CPPED1: variants seen among roughly 807,000 people sequenced by gnomAD.
The protein encoded by CPPED1 is calcineurin like phosphoesterase domain containing 1.
CPPED1 carries 28 observed loss-of-function variants against 28.0 expected under a neutral mutation model. That is an observed-to-expected ratio of 1.00 (90% CI 0.74 to 1.37). The LOEUF (loss-of-function observed/expected upper bound fraction) is 1.37, where lower values mean the gene tolerates loss of function less well. CPPED1 is among the 40% of genes most tolerant of loss of function. The probability of loss-of-function intolerance (pLI) is 0.00; values close to 1 mark genes in which losing one functional copy is unlikely to be tolerated. For synonymous variants in CPPED1, 198 were observed against 180.2 expected (o/e 1.10, Z -0.79); for missense variants, 504 against 416.5 (o/e 1.21, Z -1.83).
chr16:12,692,735 TCTC>T (rs1409068618), intron 3 of CPPED1, among the ~76,000 whole-genome samples: 3 of 152,176 alleles, frequency 2.0e-5, no homozygotes, highest in Non-Finnish European at 4.4e-5. Flanking sequence ...AGCCTGTTCA[TCTC>T]CTGCACTTTT....
rs1162742131 is a variant in CPPED1, at chr16:12,670,436, C to T, written c.716-5321G>A. ...ACACCCCACCCTCTAGGAAGTAGTG[C>T]ATCTTTCTTCATCCCTTAGGTGTGG... On this transcript the variant is annotated intron_variant, in intron 3 of 3. Coordinates refer to ENST00000381774, the MANE Select transcript of CPPED1 (RefSeq NM_018340.3). The surrounding 1 kb of genome is among the most constrained non-coding windows in gnomAD (Gnocchi z 4.2). Among the ~76,000 whole-genome samples the T allele has an allele frequency of 6.6e-6, 1 of 152,084 alleles. No individual in the cohort carries two copies. The highest frequency in any genetic ancestry group is 1.5e-5 in the Non-Finnish European group (1 of 68,016).
At chr16:12,778,857 A>C (rs543216300) in intron 2 of CPPED1, among the ~76,000 whole-genome samples, 2 of 152,350 alleles carry the variant, frequency 1.3e-5, no homozygotes, top group South Asian at 4.1e-4. Context: ...AAACAGTCCA[A>C]GTCTCCAGAA....
chr16:12,802,965 A>C (rs999391436), intron 1 of CPPED1, among the ~76,000 whole-genome samples: 2 of 152,250 alleles, frequency 1.3e-5, no homozygotes, highest in Admixed American at 1.3e-4. Flanking sequence ...ATCTGGCTGC[A>C]GGCAGCAAAA....
intron 3 of CPPED1, among the ~76,000 whole-genome samples, chr16:12,680,771 C>T (rs1177972037): frequency 6.6e-6 from 1 of 152,180 alleles, no homozygotes; most frequent in East Asian, 1.9e-4. Context: ...ATATCTCCTT[C>T]TGGAGCTAAG....
chr16:12,681,357 C>A (rs917036322), intron 3 of CPPED1, among the ~76,000 whole-genome samples: 7 of 152,098 alleles, frequency 4.6e-5, no homozygotes, highest in African/African-American at 1.4e-4. Context: ...CTCACTCTTG[C>A]CAGGGATGCC....
intron 2 of CPPED1, among the ~76,000 whole-genome samples, chr16:12,711,543 T>C (rs992534388): frequency 2.6e-5 from 4 of 152,194 alleles, no homozygotes; most frequent in Non-Finnish European, 5.9e-5. Flanking sequence ...ACCAAAGTTA[T>C]CAATATACTC....
At chr16:12,724,468 C>A (rs979708130) in intron 2 of CPPED1, among the ~76,000 whole-genome samples, 1 of 152,224 alleles carries the variant, frequency 6.6e-6, no homozygotes, top group Non-Finnish European at 1.5e-5. Flanking sequence ...CAGCTGCCAG[C>A]AGTGGCTCTT....
Position 12,744,848 on chromosome 16 carries a change from G to A in CPPED1, c.289+36337C>T, listed in dbSNP as rs568482469. The stretch of plus-strand genomic sequence containing the variant: ...AAAATACAAAAATAAGCCAGGCATC[G>A]TGGCACATGCCTATAATCCCAGCTA... On this transcript the variant is annotated intron_variant, in intron 2 of 3. Transcript: ENST00000381774. 1.8e-4 allele frequency among the ~76,000 whole-genome samples: 27 copies of A among 152,268 alleles called. No individual in the cohort carries two copies. In the South Asian group the frequency reaches 5.0e-3, roughly 28 times the overall value.
intron 3 of CPPED1, among the ~76,000 whole-genome samples, chr16:12,694,840 C>T (rs920756582): frequency 2.0e-5 from 3 of 151,584 alleles, no homozygotes; most frequent in African/African-American, 4.8e-5. Flanking sequence ...TGCAGTGGCA[C>T]GATCCCTGTT....
intron 1 of CPPED1, among the ~76,000 whole-genome samples, chr16:12,789,629 G>C (rs1455534732): frequency 6.6e-6 from 1 of 152,106 alleles, no homozygotes; most frequent in African/African-American, 2.4e-5. Context: ...GGGCTCAAGT[G>C]ATCCTCCCAC....
At chr16:12,690,707 G>C (rs1241793949) in intron 3 of CPPED1, among the ~76,000 whole-genome samples, 1 of 150,340 alleles carries the variant, frequency 6.7e-6, no homozygotes. Context: ...ATCTTTGTCT[G>C]CAGAAGGCAC....
intron 3 of CPPED1, among the ~76,000 whole-genome samples, chr16:12,672,742 G>A (rs994811895): frequency 2.0e-5 from 3 of 152,114 alleles, no homozygotes; most frequent in South Asian, 2.1e-4. Context: ...CGAATTAATC[G>A]GGTGATTGGG....
chr16:12,718,563 A>G (rs1460981904), intron 2 of CPPED1, among the ~76,000 whole-genome samples: 3 of 148,758 alleles, frequency 2.0e-5, no homozygotes, highest in East Asian at 3.9e-4. Flanking sequence ...AAAAAGAAAG[A>G]AAAAAAAGGT....
chr16:12,773,886 C>G (rs2080483317), intron 2 of CPPED1, among the ~76,000 whole-genome samples: 1 of 152,144 alleles, frequency 6.6e-6, no homozygotes, highest in African/African-American at 2.4e-5. Context: ...CTATTCACAC[C>G]TAAGTACTTA....
At chr16:12,681,729 G>C (rs2079905890) in intron 3 of CPPED1, among the ~76,000 whole-genome samples, 1 of 152,086 alleles carries the variant, frequency 6.6e-6, no homozygotes, top group African/African-American at 2.4e-5. Flanking sequence ...AAGAGGTTCA[G>C]TGGTCACAGT....
chr16:12,731,106 G>C (rs538816090), intron 2 of CPPED1, among the ~76,000 whole-genome samples: 66 of 151,530 alleles, frequency 4.4e-4, no homozygotes, highest in Middle Eastern at 3.4e-3. Context: ...CCAGGAGTTC[G>C]AGACCAGCCT....
Position 12,661,857 on chromosome 16 carries a change from C to G in CPPED1, c.*3029G>C, listed in dbSNP as rs2141160692. 6.6e-6 allele frequency: 1 copy of G among 152,538 alleles called. No homozygotes were observed. Among genetic ancestry groups the G allele is most frequent in the Non-Finnish European group, 1.5e-5 (1 of 68,174 alleles). The allele number at this position is 152,538 out of a possible 1,614,324, so 9.4% of individuals were successfully genotyped here. A position where few individuals can be genotyped will look rare whatever the true frequency, so the allele number is the denominator to read the frequency against. ...GAACCTGGTGCAATCAGGGTCTGGT[C>G]TAGGCTTTGCAGAGCTGGGAGGAAA... On this transcript the variant is annotated 3_prime_UTR_variant, in exon 4 of 4. Transcript: ENST00000381774.
intron 1 of CPPED1, among the ~76,000 whole-genome samples, chr16:12,782,503 AG>A (rs1041284628): frequency 1.3e-5 from 2 of 150,518 alleles, no homozygotes; most frequent in African/African-American, 4.9e-5. Context: ...ATGGCCTGCT[AG>A]CGCTTAGTGG....
In CPPED1 at chr16:12,694,153, C is replaced by T. The variant is rs573888130; in HGVS notation, c.715+10471G>A. On this transcript the variant is annotated intron_variant, in intron 3 of 3. Coordinates refer to ENST00000381774, the MANE Select transcript of CPPED1 (RefSeq NM_018340.3). ...CCTGGGAGGTGGAGGTTGCAATGAG[C>T]CGAGATTGCGCCACTGCACTCCAGC... Among the ~76,000 whole-genome samples the T allele has an allele frequency of 5.9e-5, 9 of 152,232 alleles. No individual in the cohort carries two copies. In the East Asian group the frequency reaches 1.4e-3, roughly 23 times the overall value.
Sources: allele counts gnomAD v4.1 joint callset (sites outside exome capture counted in the v4.1 genomes callset), GRCh38; gene constraint gnomAD v4.1.1; non-coding constraint Gnocchi (gnomAD v3.1); transcripts MANE v1.5; gene names NCBI Gene and HGNC (gene_info 2026-07-23, HGNC 2026-07-21).